CTNNA3: variants seen among roughly 807,000 people sequenced by gnomAD.
CTNNA3 encodes catenin alpha-3.
CTNNA3 carries 76 observed loss-of-function variants against 95.7 expected under a neutral mutation model. The observed-to-expected ratio is 0.79, with a 90% CI of 0.66 to 0.96. The LOEUF (loss-of-function observed/expected upper bound fraction) is 0.96, where lower values mean the gene tolerates loss of function less well. Among genes scored for constraint, CTNNA3 ranks in the 40% least tolerant of loss-of-function variants. The probability of loss-of-function intolerance (pLI) is 0.00; values close to 1 mark genes in which losing one functional copy is unlikely to be tolerated. For missense variants in CTNNA3, 1,191 were observed against 1,089.8 expected (o/e 1.09, Z -1.31); for synonymous variants, 431 against 374.4 (o/e 1.15, Z -1.74).
intron 17 of CTNNA3, among the ~76,000 whole-genome samples, chr10:65,942,795 C>A (rs1361839091): frequency 6.7e-6 from 1 of 149,106 alleles, no homozygotes; most frequent in African/African-American, 2.4e-5. Flanking sequence ...GTTAGGAGTA[C>A]AGGCTCTGGA....
chr10:66,955,570 A>G (rs1185446108), intron 7 of CTNNA3, among the ~76,000 whole-genome samples: 1 of 152,168 alleles, frequency 6.6e-6, no homozygotes, highest in Non-Finnish European at 1.5e-5. Context: ...ATTGCCTCTC[A>G]TAACAGCTGG....
At chr10:67,638,694 G>T (rs1164437672) in intron 2 of CTNNA3, among the ~76,000 whole-genome samples, 1 of 152,134 alleles carries the variant, frequency 6.6e-6, no homozygotes. Flanking sequence ...TAGAACTCAG[G>T]ATTAAGAAAC....
chr10:66,969,382 T>C (rs542764414), intron 7 of CTNNA3, among the ~76,000 whole-genome samples: 9 of 152,292 alleles, frequency 5.9e-5, no homozygotes, highest in Admixed American at 5.2e-4. Flanking sequence ...TTCCATAAAA[T>C]GAATGTGCAA....
At chr10:66,418,756 A>G (rs1218792203) in intron 11 of CTNNA3, among the ~76,000 whole-genome samples, 1 of 152,098 alleles carries the variant, frequency 6.6e-6, no homozygotes. Context: ...AAACATCTAC[A>G]GAATAAGGAA....
At chr10:67,500,633 A>T (rs1839198084) in intron 5 of CTNNA3, among the ~76,000 whole-genome samples, 1 of 152,232 alleles carries the variant, frequency 6.6e-6, no homozygotes, top group Non-Finnish European at 1.5e-5. Flanking sequence ...ATATATACTT[A>T]GGATACTTAG....
chr10:66,545,283 C>T (rs1489740348), intron 10 of CTNNA3, among the ~76,000 whole-genome samples: 1 of 151,954 alleles, frequency 6.6e-6, no homozygotes, highest in Non-Finnish European at 1.5e-5. Context: ...CCTTTCTAAA[C>T]AGTATAATTT....
intron 5 of CTNNA3, among the ~76,000 whole-genome samples, chr10:67,227,734 C>T (rs1864993347): frequency 6.6e-6 from 1 of 152,130 alleles, no homozygotes; most frequent in African/African-American, 2.4e-5. Context: ...CCAACAACCA[C>T]AAAATACACA....
At chr10:67,454,765 T>C (rs1277463588) in intron 5 of CTNNA3, among the ~76,000 whole-genome samples, 1 of 152,050 alleles carries the variant, frequency 6.6e-6, no homozygotes, top group Non-Finnish European at 1.5e-5. Context: ...AAATAAAAGG[T>C]ATTAAAGAAA....
Position 67,272,006 on chromosome 10 carries a change from A to G in CTNNA3, c.580-52136T>C, listed in dbSNP as rs188195822. 2.0e-5 allele frequency among the ~76,000 whole-genome samples: 3 copies of G among 152,274 alleles called. No homozygotes were observed. In the East Asian group the frequency reaches 5.8e-4, roughly 29 times the overall value. ...CTAGTAAATATACAAAAATAAAACA[A>G]GTAACATTGTTTATGGCCCACTAAA... On this transcript the variant is annotated intron_variant, in intron 5 of 17. Transcript: ENST00000433211.
chr10:66,653,610 T>C (rs1271930370), intron 9 of CTNNA3, among the ~76,000 whole-genome samples: 1 of 152,052 alleles, frequency 6.6e-6, no homozygotes, highest in African/African-American at 2.4e-5. Flanking sequence ...AATCCTAAAA[T>C]TCATATGCAA....
intron 7 of CTNNA3, among the ~76,000 whole-genome samples, chr10:67,018,189 T>C (rs1589610605): frequency 6.6e-6 from 1 of 152,236 alleles, no homozygotes; most frequent in Non-Finnish European, 1.5e-5. Context: ...TCACTATAAA[T>C]ATGTACTTTT....
In CTNNA3 at chr10:66,732,527, T is replaced by A; in HGVS notation, c.1281+33737A>T. Reference sequence around the variant, plus strand: ...AGGCCTAGAAAACTTACAATGATGGTGGAAGGAGAAGCAAACAGGTCCTTC... The same window carrying A: ...AGGCCTAGAAAACTTACAATGATGGAGGAAGGAGAAGCAAACAGGTCCTTC... On this transcript the variant is annotated intron_variant, in intron 9 of 17. Coordinates refer to ENST00000433211, the MANE Select transcript of CTNNA3 (RefSeq NM_013266.4). Among the ~76,000 whole-genome samples, 2 of 152,044 alleles carry A rather than the reference T, an allele frequency of 1.3e-5. 1 individual carries two copies.
At chr10:67,089,024 T>C (rs1436218432) in intron 7 of CTNNA3, among the ~76,000 whole-genome samples, 1 of 152,074 alleles carries the variant, frequency 6.6e-6, no homozygotes. Flanking sequence ...ATGAGTAATC[T>C]ACAGGTGATT....
intron 5 of CTNNA3, among the ~76,000 whole-genome samples, chr10:67,477,681 G>T (rs1297344538): frequency 3.9e-5 from 6 of 152,140 alleles, no homozygotes; most frequent in Non-Finnish European, 5.9e-5. Context: ...AGAAAGCAAA[G>T]AAAATATCCT....
chr10:66,124,339 T>C (rs2082720634), intron 13 of CTNNA3, among the ~76,000 whole-genome samples: 1 of 152,202 alleles, frequency 6.6e-6, no homozygotes, highest in South Asian at 2.1e-4. Context: ...AAGTTCCTCA[T>C]CTCCATCTGA....
At position 67,748,748 on chromosome 10, in the gene CTNNA3, T is replaced by C. The variant is rs1841386517; in HGVS notation, c.-2+14686A>G. ...ATTATTACACGATCAAATTCACACATAACAATTTTAACCTTAAATGTAAAT... is the reference window on the plus strand; with the variant it reads ...ATTATTACACGATCAAATTCACACACAACAATTTTAACCTTAAATGTAAAT... On this transcript the variant is annotated intron_variant, in intron 1 of 17. Coordinates refer to the CTNNA3 transcript ENST00000684154. Among the ~76,000 whole-genome samples the C allele has an allele frequency of 2.0e-5, 3 of 152,280 alleles. No individual in the cohort carries two copies. In the South Asian group the frequency reaches 6.2e-4, roughly 32 times the overall value.
intron 9 of CTNNA3, among the ~76,000 whole-genome samples, chr10:66,652,896 C>G (rs1845958210): frequency 6.6e-6 from 1 of 152,066 alleles, no homozygotes; most frequent in Admixed American, 6.5e-5. Context: ...AAAATATGAT[C>G]ATGTCCATGG....
intron 13 of CTNNA3, among the ~76,000 whole-genome samples, chr10:66,175,609 A>G (rs140236005): frequency 5.9e-5 from 9 of 152,264 alleles, no homozygotes; most frequent in East Asian, 1.9e-4. Flanking sequence ...AACACCAGCT[A>G]TTGGTGAGAG....
intron 5 of CTNNA3, among the ~76,000 whole-genome samples, chr10:67,354,977 C>A (rs74142500): frequency 0.018 from 2,708 of 151,966 alleles, 85 homozygotes; most frequent in African/African-American, 0.06. Flanking sequence ...AAATTCTAGA[C>A]CCATAAACCT....
Sources: allele counts gnomAD v4.1 joint callset (sites outside exome capture counted in the v4.1 genomes callset), GRCh38; gene constraint gnomAD v4.1.1; transcripts MANE v1.5; gene names NCBI Gene and HGNC (gene_info 2026-07-23, HGNC 2026-07-21).